PSMD14: variants seen among roughly 807,000 people sequenced by gnomAD.
PSMD14 encodes proteasome 26S subunit, non-ATPase 14, also known as ubiquitin C-terminal hydrolase PSMD14.
In PSMD14, 7 loss-of-function variants were observed where a neutral mutation model predicts 41.2. The observed-to-expected ratio is 0.17, with a 90% CI of 0.10 to 0.32. The LOEUF is 0.32. Ranked by LOEUF, PSMD14 falls within the 10% of genes least tolerant of loss-of-function variation. The pLI, the probability that PSMD14 is intolerant of heterozygous loss-of-function variation, is 1.00. For synonymous variants in PSMD14, 114 were observed against 122.3 expected (o/e 0.93, Z 0.45); for missense variants, 139 against 375.6 (o/e 0.37, Z 5.21).
intron 3 of PSMD14, among the ~76,000 whole-genome samples, chr2:161,348,701 G>A (rs557835366): frequency 4.6e-5 from 7 of 152,258 alleles, no homozygotes; most frequent in Non-Finnish European, 7.4e-5. Context: ...AGAAATGCAC[G>A]ATCACTAAGA....
chr2:161,378,328 A>G (rs1288314855), intron 7 of PSMD14, among the ~76,000 whole-genome samples: 1 of 151,972 alleles, frequency 6.6e-6, no homozygotes, highest in Non-Finnish European at 1.5e-5. Flanking sequence ...GCATGTCACA[A>G]AAAAGTATTT....
intron 3 of PSMD14, among the ~76,000 whole-genome samples, chr2:161,321,431 AT>A (rs772926417): frequency 6.6e-6 from 1 of 151,686 alleles, no homozygotes; most frequent in South Asian, 2.1e-4. Flanking sequence ...TCCAAGACAT[AT>A]TTTTTTTTAT....
intron 3 of PSMD14, among the ~76,000 whole-genome samples, chr2:161,350,673 A>G (rs372069603): frequency 7.2e-5 from 11 of 152,258 alleles, no homozygotes; most frequent in Admixed American, 2.0e-4. Flanking sequence ...AAAATTAACT[A>G]AATTGAGGAA....
chr2:161,380,370 A>G (rs1473648711), intron 7 of PSMD14, among the ~76,000 whole-genome samples: 1 of 152,012 alleles, frequency 6.6e-6, no homozygotes, highest in Non-Finnish European at 1.5e-5. Flanking sequence ...TGAATCTAAA[A>G]ATGTCTAATT....
intron 3 of PSMD14, among the ~76,000 whole-genome samples, chr2:161,345,087 A>G (rs1185285973): frequency 6.6e-6 from 1 of 152,076 alleles, no homozygotes; most frequent in East Asian, 1.9e-4. Flanking sequence ...ATGCTTCTGG[A>G]TGTAGATACT....
intron 2 of PSMD14, among the ~76,000 whole-genome samples, chr2:161,317,567 T>C (rs2105230196): frequency 6.6e-6 from 1 of 152,322 alleles, no homozygotes; most frequent in Middle Eastern, 3.4e-3. Context: ...CTTTTGAAGA[T>C]TCCATGGCCA....
At position 161,371,335 on chromosome 2, in the gene PSMD14, CTA is replaced by C. The variant is rs1559049238; in HGVS notation, c.462+15_462+16del. On this transcript the variant is annotated intron_variant, in intron 7 of 11. Transcript: ENST00000409682. Reference sequence around the variant, plus strand: ...TGTAAAAGGAAAGGTAGAGTAGATTCTATCTTTATTGCCATCTACTGCCACAT... The same window carrying C: ...TGTAAAAGGAAAGGTAGAGTAGATTCTCTTTATTGCCATCTACTGCCACAT... The C allele has an allele frequency of 6.3e-7, 1 of 1,599,894 alleles. No homozygotes were observed. Among genetic ancestry groups the C allele is most frequent in the Non-Finnish European group, 8.5e-7 (1 of 1,171,972 alleles).
intron 3 of PSMD14, among the ~76,000 whole-genome samples, chr2:161,322,564 AT>A (rs1477052221): frequency 2.6e-5 from 4 of 151,808 alleles, no homozygotes; most frequent in Non-Finnish European, 5.9e-5. Flanking sequence ...TAATTTTTTT[AT>A]TTTTAGTAGA....
intron 7 of PSMD14, among the ~76,000 whole-genome samples, chr2:161,376,003 A>T (rs1246114904): frequency 6.6e-6 from 1 of 151,500 alleles, no homozygotes; most frequent in Non-Finnish European, 1.5e-5. Flanking sequence ...AAGAAATTTT[A>T]TATTAGAAAG....
chr2:161,313,006 G>T (rs1689107577), intron 1 of PSMD14, among the ~76,000 whole-genome samples: 4 of 152,090 alleles, frequency 2.6e-5, no homozygotes, highest in African/African-American at 9.7e-5. Context: ...CTTACTATAT[G>T]ATAAGCATTG....
At chr2:161,377,832 A>G (rs1683522307) in intron 7 of PSMD14, among the ~76,000 whole-genome samples, 1 of 151,860 alleles carries the variant, frequency 6.6e-6, no homozygotes, top group East Asian at 1.9e-4. Flanking sequence ...GTAGTCATCT[A>G]ATTATCCCTG....
intron 7 of PSMD14, among the ~76,000 whole-genome samples, chr2:161,378,905 C>T (rs1683537730): frequency 1.3e-5 from 2 of 151,994 alleles, no homozygotes; most frequent in Non-Finnish European, 2.9e-5. Flanking sequence ...CAAAGTGATA[C>T]ACAGCAAAGT....
chr2:161,403,997 C>G (rs1683916700), intron 10 of PSMD14, among the ~76,000 whole-genome samples: 1 of 151,924 alleles, frequency 6.6e-6, no homozygotes, highest in Admixed American at 6.6e-5. Flanking sequence ...TCTTGAACTC[C>G]TGAGTTTAAG....
intron 3 of PSMD14, among the ~76,000 whole-genome samples, chr2:161,327,527 C>T (rs72876083): frequency 0.16 from 23,932 of 151,978 alleles, 2,289 homozygotes; most frequent in East Asian, 0.3. Context: ...CTTCCCCAAT[C>T]CCCCCATTTT....
intron 1 of PSMD14, among the ~76,000 whole-genome samples, chr2:161,311,065 G>T (rs538875664): frequency 2.6e-4 from 40 of 152,316 alleles, no homozygotes; most frequent in Admixed American, 9.8e-4. Flanking sequence ...CCAGCACTTT[G>T]GGAGGCTGAG....
Position 161,411,420 on chromosome 2 carries a change from A to C in PSMD14, c.*20A>C. 6.6e-7 allele frequency: 1 copy of C among 1,522,902 alleles called. No homozygotes were observed. The allele number at this position is 1,522,902 out of a possible 1,614,324, so 94.3% of individuals were successfully genotyped here. ...AAATAAAGCAACGAAAAACGCTATT[A>C]ATGATGCCTTCAGTGTATATTCCTC... is the stretch of plus-strand genomic sequence containing the variant. On this transcript the variant is annotated 3_prime_UTR_variant, in exon 12 of 12. Transcript: ENST00000409682.
intron 5 of PSMD14, among the ~76,000 whole-genome samples, chr2:161,369,659 G>T (rs994983620): frequency 6.6e-6 from 1 of 151,984 alleles, no homozygotes; most frequent in African/African-American, 2.4e-5. Context: ...ATCTTATTTT[G>T]GTTGAACTAG....
At chr2:161,316,097 G>T (rs1345237386) in intron 1 of PSMD14, among the ~76,000 whole-genome samples, 1 of 152,148 alleles carries the variant, frequency 6.6e-6, no homozygotes, top group East Asian at 1.9e-4. Flanking sequence ...GCCCGCGTTG[G>T]CCTCCCAAAG....
chr2:161,408,906 T>G lies in PSMD14; in HGVS notation c.834+7T>G. 2.5e-6 allele frequency: 4 copies of G among 1,591,736 alleles called. No homozygotes were observed. Reference sequence around the variant, plus strand: ...AAAGAATGTTGGCAAGCAGGTGAGGTGTACTGTTAATAAGTTATGCAGTTG... The same window carrying G: ...AAAGAATGTTGGCAAGCAGGTGAGGGGTACTGTTAATAAGTTATGCAGTTG... On this transcript the variant is annotated splice_region_variant and intron_variant, in intron 11 of 11. Transcript: ENST00000409682.
Sources: gnomAD v4.1 joint callset for allele counts (sites outside exome capture counted in the v4.1 genomes callset) on GRCh38, gnomAD v4.1.1 for gene constraint, MANE v1.5 for transcripts, NCBI Gene and HGNC (gene_info 2026-07-23, HGNC 2026-07-21) for gene names.